Variants in CTCF observed in about 807,000 individuals in gnomAD.
The protein encoded by CTCF is transcriptional repressor CTCF.
CTCF carries 7 observed loss-of-function variants against 72.3 expected under a neutral mutation model. The ratio of observed to expected loss-of-function variants is 0.10; its 90% CI spans 0.06 to 0.18. CTCF has a LOEUF of 0.18. Ranked by LOEUF, CTCF falls within the 10% of genes least tolerant of loss-of-function variation. The pLI is 1.00. For synonymous variants in CTCF, 374 were observed against 315.8 expected, an observed-to-expected ratio of 1.18 and a Z score of -1.95; for missense variants, 516 against 949.1, an observed-to-expected ratio of 0.54 and a Z score of 6.00.
At chr16:67,632,493 G>T (rs1338786645) in intron 10 of CTCF, among the ~76,000 whole-genome samples, 1 of 152,218 alleles carries the variant, frequency 6.6e-6, no homozygotes, top group Non-Finnish European at 1.5e-5. Context: ...CCATGCCACT[G>T]TTGGCCATGC....
At chr16:67,617,242 A>G (rs763387036) in intron 5 of CTCF, among the ~76,000 whole-genome samples, 1 of 152,078 alleles carries the variant, frequency 6.6e-6, no homozygotes, top group South Asian at 2.1e-4. Flanking sequence ...CTCACAGCCT[A>G]TAATCCCAGC....
At chr16:67,597,341 C>A (rs1317733567) in intron 2 of CTCF, among the ~76,000 whole-genome samples, 2 of 146,734 alleles carry the variant, frequency 1.4e-5, no homozygotes, top group East Asian at 3.9e-4. Flanking sequence ...GCCACTAATG[C>A]TTTTTTTTTT....
In CTCF at chr16:67,636,712, C is replaced by T. The variant is rs761995522; in HGVS notation, c.1860C>T (p.Asp620=). Residue 620 remains aspartate (D), a synonymous_variant, in exon 11 of 12, where the codon GAC becomes GAT. Transcript: ENST00000264010. ...AAGAAAATGCTGAACCAGATCTGGACGACAATGAGGATGAGGAGGAGCCTG... is the reference window on the plus strand; with the variant it reads ...AAGAAAATGCTGAACCAGATCTGGATGACAATGAGGATGAGGAGGAGCCTG... ...SDSENAEPDL[D]DNEDEEEPAV... The T allele has an allele frequency of 1.0e-5, 16 of 1,607,254 alleles. No homozygotes were observed. The highest frequency in any genetic ancestry group is 4.5e-5 in the East Asian group (2 of 44,486).
chr16:67,580,993 A>G (rs907233093), intron 2 of CTCF, among the ~76,000 whole-genome samples: 8 of 151,724 alleles, frequency 5.3e-5, no homozygotes, highest in African/African-American at 1.9e-4. Context: ...CAGTGGCGCT[A>G]TCTTGGCTCA....
At chr16:67,605,668 C>T (rs898114995) in intron 2 of CTCF, among the ~76,000 whole-genome samples, 3 of 152,168 alleles carry the variant, frequency 2.0e-5, no homozygotes, top group African/African-American at 7.2e-5. Flanking sequence ...GAAAATAGAT[C>T]GTTTTGAGAA....
chr16:67,628,652 CAG>C lies in CTCF; in HGVS notation c.1701+104_1701+105del, dbSNP rs1423616153. ...TAGTTTTTTTCACTGAGGTTATAAA[CAG>C]AGATGCTCCATTGTTTGGAAAGGGT... On this transcript the variant is annotated intron_variant, in intron 9 of 11. Transcript: ENST00000264010. 5 of 1,171,722 alleles carry C rather than the reference CAG, an allele frequency of 4.3e-6. No homozygotes were observed. In the African/African-American group the frequency reaches 6.1e-5, roughly 14 times the overall value. 72.6% of individuals were successfully genotyped at this position (1,171,722 alleles called of 1,614,324 possible).
intron 7 of CTCF, among the ~76,000 whole-genome samples, chr16:67,625,079 C>G (rs1341885963): frequency 6.6e-6 from 1 of 151,788 alleles, no homozygotes; most frequent in Non-Finnish European, 1.5e-5. Flanking sequence ...TGTACGCCAC[C>G]ATGCCTAGCT....
intron 2 of CTCF, among the ~76,000 whole-genome samples, chr16:67,607,486 A>G (rs1211969785): frequency 1.3e-5 from 2 of 151,286 alleles, no homozygotes; most frequent in Non-Finnish European, 2.9e-5. Context: ...TTGTATTTTT[A>G]GTAGAGATGG....
chr16:67,597,072 C>T lies in CTCF; in HGVS notation c.-9-13752C>T, dbSNP rs534038982. Reference sequence around the variant, plus strand: ...ATTTTGAGACAGGGTCTCACTCTGCCGCCCAGGCTGGAGTACAATGGCACA... The same window carrying T: ...ATTTTGAGACAGGGTCTCACTCTGCTGCCCAGGCTGGAGTACAATGGCACA... On this transcript the variant is annotated intron_variant, in intron 2 of 11. Coordinates refer to ENST00000264010, the MANE Select transcript of CTCF (RefSeq NM_006565.4). Among the ~76,000 whole-genome samples, 37 of 152,074 alleles carry T rather than the reference C, an allele frequency of 2.4e-4. No homozygotes were observed. The South Asian group carries it at 7.1e-3, about 29-fold the overall frequency.
At chr16:67,564,155 G>C (rs1338915052) in intron 1 of CTCF, among the ~76,000 whole-genome samples, 3 of 152,184 alleles carry the variant, frequency 2.0e-5, no homozygotes, top group Non-Finnish European at 1.5e-5. Flanking sequence ...GTTAAACAAG[G>C]CATATATTTA....
At chr16:67,591,851 G>A (rs2051748537) in intron 2 of CTCF, among the ~76,000 whole-genome samples, 1 of 152,070 alleles carries the variant, frequency 6.6e-6, no homozygotes, top group African/African-American at 2.4e-5. Context: ...TGGGACTACA[G>A]ATGGATGCCA....
chr16:67,579,113 A>G (rs1597684528), intron 2 of CTCF, among the ~76,000 whole-genome samples: 1 of 141,174 alleles, frequency 7.1e-6, no homozygotes, highest in African/African-American at 2.6e-5. Context: ...AAATTAGCGG[A>G]GTGTGGTGGC....
chr16:67,624,131 A>ATG lies in CTCF; in HGVS notation c.1358-2423_1358-2422insGT, dbSNP rs1555535523. 3.3e-3 allele frequency among the ~76,000 whole-genome samples: 466 copies of ATG among 139,318 alleles called. 2 individuals carry two copies. The highest frequency in any genetic ancestry group is 9.1e-3 in the South Asian group (40 of 4,398). 91.4% of individuals were successfully genotyped at this position (139,318 alleles called of 152,430 possible). The stretch of plus-strand genomic sequence containing the variant: ...TGTGTGTGTGTATGTGTGTGTATAT[A>ATG]TATGTGTGTGTGTGTATATATGTGT... On this transcript the variant is annotated intron_variant, in intron 7 of 11. Transcript: ENST00000264010.
At chr16:67,634,705 TC>T (rs2052407560) in intron 10 of CTCF, among the ~76,000 whole-genome samples, 1 of 150,874 alleles carries the variant, frequency 6.6e-6, no homozygotes. Flanking sequence ...TTTTTTTTTT[TC>T]TTATTTTTTT....
chr16:67,573,677 G>GA (rs1247845114), intron 2 of CTCF, among the ~76,000 whole-genome samples: 1 of 152,074 alleles, frequency 6.6e-6, no homozygotes, highest in Non-Finnish European at 1.5e-5. Context: ...TTTGTGTAGG[G>GA]AAAAACTCTC....
intron 2 of CTCF, among the ~76,000 whole-genome samples, chr16:67,576,551 T>G (rs1039500987): frequency 1.1e-5 from 1 of 93,966 alleles, no homozygotes; most frequent in African/African-American, 6.7e-5. Context: ...TAATAGAATG[T>G]TTTTTTTTTT....
chr16:67,564,263 A>G (rs1412537139), intron 1 of CTCF, among the ~76,000 whole-genome samples: 1 of 152,214 alleles, frequency 6.6e-6, no homozygotes, highest in East Asian at 1.9e-4. Flanking sequence ...GTGCCTTAAT[A>G]TAGTTCATTG....
At chr16:67,604,001 G>C (rs932662045) in intron 2 of CTCF, among the ~76,000 whole-genome samples, 5 of 150,574 alleles carry the variant, frequency 3.3e-5, no homozygotes, top group Non-Finnish European at 7.4e-5. Context: ...TGCCTGGTAT[G>C]AACCTGTAGT....
chr16:67,624,325 C>G (rs1348018975), intron 7 of CTCF, among the ~76,000 whole-genome samples: 1 of 151,862 alleles, frequency 6.6e-6, no homozygotes, highest in East Asian at 1.9e-4. Flanking sequence ...CCCCATCACT[C>G]TGGTATAATG....
Sources: allele counts gnomAD v4.1 joint callset (sites outside exome capture counted in the v4.1 genomes callset), GRCh38; gene constraint gnomAD v4.1.1; transcripts MANE v1.5; gene names NCBI Gene and HGNC (gene_info 2026-07-23, HGNC 2026-07-21).